The following WDPCP variants were observed in gnomAD, a reference collection of about 807,000 sequenced individuals.
WDPCP encodes WD repeat containing planar cell polarity effector, also known as WD repeat-containing and planar cell polarity effector protein fritz homolog.
WDPCP carries 71 observed loss-of-function variants against 93.1 expected under a neutral mutation model. The observed-to-expected ratio is 0.76, with a 90% CI of 0.63 to 0.93. The LOEUF (loss-of-function observed/expected upper bound fraction) is 0.93. WDPCP is among the 40% of genes least tolerant of loss of function. The pLI, the probability that WDPCP is intolerant of heterozygous loss-of-function variation, is 0.00. For synonymous variants in WDPCP, 315 were observed against 315.0 expected, an observed-to-expected ratio of 1.00 and a Z score of 0.00; for missense variants, 844 against 887.4, an observed-to-expected ratio of 0.95 and a Z score of 0.62.
intron 2 of WDPCP, among the ~76,000 whole-genome samples, chr2:63,794,178 T>C (rs1388992547): frequency 6.6e-6 from 1 of 152,210 alleles, no homozygotes; most frequent in Non-Finnish European, 1.5e-5. Flanking sequence ...CCATTTCTCC[T>C]TTATTCCTTA....
chr2:63,170,054 G>C (rs1159025554), intron 15 of WDPCP, among the ~76,000 whole-genome samples: 1 of 151,382 alleles, frequency 6.6e-6, no homozygotes, highest in East Asian at 1.9e-4. Context: ...CACCATGCCA[G>C]GCTAATTTTT....
intron 12 of WDPCP, among the ~76,000 whole-genome samples, chr2:63,360,336 C>T (rs890529397): frequency 4.6e-5 from 7 of 152,334 alleles, no homozygotes; most frequent in African/African-American, 1.7e-4. Flanking sequence ...TTAGTCTCAA[C>T]TAGTACATAT....
rs1369091173 is a variant in WDPCP, at chr2:63,597,812, T to C, written n.488+52847A>G. On this transcript the variant is annotated intron_variant and non_coding_transcript_variant, in intron 3 of 4. Coordinates refer to the WDPCP transcript ENST00000467687. ...TTCCTATTAGTATAACGTGAAAATT[T>C]AGTATTAGTTCTTAAACATATAGAG... 1.0e-5 allele frequency: 3 copies of C among 287,272 alleles called. No homozygotes were observed. In the East Asian group the frequency reaches 1.8e-4, roughly 17 times the overall value. 17.8% of individuals were successfully genotyped at this position (287,272 alleles called of 1,614,324 possible).
intron 1 of WDPCP, among the ~76,000 whole-genome samples, chr2:63,536,829 G>A (rs1449421790): frequency 4.7e-5 from 6 of 129,022 alleles, no homozygotes; most frequent in Admixed American, 9.7e-5. Flanking sequence ...GCAGTGGCGC[G>A]ATCTTGGCTC....
chr2:63,535,386 A>C (rs1460318590), intron 1 of WDPCP, among the ~76,000 whole-genome samples: 1 of 152,240 alleles, frequency 6.6e-6, no homozygotes, highest in African/African-American at 2.4e-5. Context: ...GAACCAAAAA[A>C]GACCCGGCAT....
chr2:63,711,348 G>C (rs1669260279), intron 2 of WDPCP: 1 of 152,128 alleles, frequency 6.6e-6, no homozygotes, highest in African/African-American at 2.4e-5. Context: ...TGAGAGAGGT[G>C]AATTTCCAGC....
At chr2:63,592,891 A>G (rs949220438), upstream of WDPCP, among the ~76,000 whole-genome samples, 2 of 152,134 alleles carry the variant, frequency 1.3e-5, no homozygotes, top group Non-Finnish European at 2.9e-5. Context: ...AGGGAAAGGG[A>G]GTAATAATTT....
chr2:63,480,126 C>A (rs189504892), intron 6 of WDPCP, among the ~76,000 whole-genome samples: 1 of 151,996 alleles, frequency 6.6e-6, no homozygotes, highest in Non-Finnish European at 1.5e-5. Context: ...AAGAACTCAA[C>A]CCTTTTACAA....
intron 1 of WDPCP, among the ~76,000 whole-genome samples, chr2:63,560,077 G>T (rs1327267810): frequency 6.7e-6 from 1 of 148,960 alleles, no homozygotes; most frequent in African/African-American, 2.6e-5. Context: ...AAAAAAATTA[G>T]CCAGGCGTGG....
intron 17 of WDPCP, among the ~76,000 whole-genome samples, chr2:63,150,698 T>G (rs942248633): frequency 6.6e-6 from 1 of 152,164 alleles, no homozygotes; most frequent in African/African-American, 2.4e-5. Context: ...ACCAGACAAA[T>G]AAGAAGTACT....
chr2:63,607,211 T>C (rs1324670168), intron 3 of WDPCP: 1 of 288,110 alleles, frequency 3.5e-6, no homozygotes, highest in Non-Finnish European at 6.5e-6. Flanking sequence ...ACTCAGACTC[T>C]GTTTCTAGCT....
chr2:63,233,568 T>A, intron 14 of WDPCP: 1 of 168,628 alleles, frequency 5.9e-6, no homozygotes, highest in Non-Finnish European at 1.3e-5. Flanking sequence ...ATATTCAATA[T>A]GAGAGACACA....
chr2:63,815,356 A>T (rs995098513), intron 1 of WDPCP, among the ~76,000 whole-genome samples: 2 of 152,232 alleles, frequency 1.3e-5, no homozygotes, highest in Non-Finnish European at 1.5e-5. Flanking sequence ...AAAAAAAGGA[A>T]TCATTCATTA....
chr2:63,637,410 G>A (rs1277249812), intron 3 of WDPCP, among the ~76,000 whole-genome samples: 34 of 114,984 alleles, frequency 3.0e-4, no homozygotes, highest in Non-Finnish European at 5.1e-5. Context: ...AAAAACCAGT[G>A]GCTACAACAG....
intron 7 of WDPCP, 28 bp from the exon 8 acceptor site, chr2:63,437,582 G>A (rs376196939): frequency 3.9e-6 from 6 of 1,545,620 alleles, no homozygotes; most frequent in African/African-American, 2.8e-5. Context: ...ATATTACCAA[G>A]TTAGAATAAA....
chr2:63,453,836 T>C (rs1336241967), intron 6 of WDPCP, among the ~76,000 whole-genome samples: 1 of 151,070 alleles, frequency 6.6e-6, no homozygotes, highest in East Asian at 2.0e-4. Flanking sequence ...CAGCAAACTA[T>C]CGCAAGGACA....
intron 1 of WDPCP, among the ~76,000 whole-genome samples, chr2:63,583,533 T>A (rs1575701248): frequency 6.6e-6 from 1 of 151,920 alleles, no homozygotes; most frequent in Non-Finnish European, 1.5e-5. Flanking sequence ...ATACAAAAAT[T>A]AGCTGGGTGT....
intron 2 of WDPCP, among the ~76,000 whole-genome samples, chr2:63,674,337 A>G (rs1290597209): frequency 6.6e-6 from 1 of 152,216 alleles, no homozygotes; most frequent in Admixed American, 6.5e-5. Flanking sequence ...ACTGGTTCAA[A>G]GTTTATCAGG....
At chr2:63,745,808 T>G (rs1444101288) in intron 2 of WDPCP, among the ~76,000 whole-genome samples, 1 of 152,172 alleles carries the variant, frequency 6.6e-6, no homozygotes, top group East Asian at 1.9e-4. Flanking sequence ...GGGTAAAAAC[T>G]GTGCCTCTTT....
Sources: gnomAD v4.1 joint callset for allele counts (sites outside exome capture counted in the v4.1 genomes callset) on GRCh38, gnomAD v4.1.1 for gene constraint, MANE v1.5 for transcripts, NCBI Gene and HGNC (gene_info 2026-07-23, HGNC 2026-07-21) for gene names.